The following MACROD2 variants were observed in gnomAD, a reference collection of about 807,000 sequenced individuals.
MACROD2 encodes mono-ADP ribosylhydrolase 2, also known as ADP-ribose glycohydrolase MACROD2.
Under a neutral mutation model 70.4 loss-of-function variants are expected in MACROD2, and 36 were observed. The observed-to-expected ratio is 0.51, with a 90% CI of 0.39 to 0.68. MACROD2 has a LOEUF of 0.68. Among genes scored for constraint, MACROD2 ranks in the 30% least tolerant of loss-of-function variants. The probability of loss-of-function intolerance (pLI) is 0.00; values close to 1 mark genes in which losing one functional copy is unlikely to be tolerated. For synonymous variants in MACROD2, 172 were observed against 178.8 expected, an observed-to-expected ratio of 0.96 and a Z score of 0.30; for missense variants, 496 against 538.4, an observed-to-expected ratio of 0.92 and a Z score of 0.78.
At chr20:14,433,986 C>T (rs149498296) in intron 3 of MACROD2, among the ~76,000 whole-genome samples, 225 of 152,188 alleles carry the variant, frequency 1.5e-3, no homozygotes, top group African/African-American at 4.7e-3. Flanking sequence ...TCATTGAAGA[C>T]ACATGCATCT....
intron 5 of MACROD2, among the ~76,000 whole-genome samples, chr20:14,840,142 A>G (rs1280722546): frequency 6.6e-6 from 1 of 151,620 alleles, no homozygotes; most frequent in Non-Finnish European, 1.5e-5. Context: ...GGTTCAAGCA[A>G]TTCTCCTGCC....
At chr20:14,363,013 C>T (rs1011608103) in intron 3 of MACROD2, among the ~76,000 whole-genome samples, 7 of 152,130 alleles carry the variant, frequency 4.6e-5, no homozygotes, top group African/African-American at 7.2e-5. Context: ...CAGTGGGAGC[C>T]GTCTGACACC....
chr20:15,010,083 A>C (rs1325794196), intron 5 of MACROD2, among the ~76,000 whole-genome samples: 1 of 152,216 alleles, frequency 6.6e-6, no homozygotes, highest in Non-Finnish European at 1.5e-5. Flanking sequence ...CTTGAATTTG[A>C]GCAGTGTTGA....
intron 5 of MACROD2, among the ~76,000 whole-genome samples, chr20:14,788,915 C>G (rs1478644951): frequency 6.6e-6 from 1 of 151,562 alleles, no homozygotes; most frequent in East Asian, 1.9e-4. Context: ...ATTACAGGCA[C>G]TCACCACGAT....
chr20:15,616,455 A>C (rs548127705), intron 8 of MACROD2, among the ~76,000 whole-genome samples: 1 of 152,238 alleles, frequency 6.6e-6, no homozygotes, highest in East Asian at 1.9e-4. Flanking sequence ...AGAAGTTCAA[A>C]GAAGAGTTCC....
rs371529013 is a variant in MACROD2 at position 15,209,231 on chromosome 20, A to G, written c.419-20709A>G. ...AATCTGTTAGGCAAAAAGAAAACCC[A>G]GAAAACTCATCACCGTGTTGGTCCT... On this transcript the variant is annotated intron_variant, in intron 5 of 17. Coordinates refer to ENST00000684519, the MANE Select transcript of MACROD2 (RefSeq NM_001351661.2). 9.3e-4 allele frequency among the ~76,000 whole-genome samples: 141 copies of G among 152,122 alleles called. 1 individual carries two copies. The highest frequency in any genetic ancestry group is 3.4e-3 in the Middle Eastern group (1 of 294).
chr20:15,375,917 G>A (rs753216950), intron 6 of MACROD2, among the ~76,000 whole-genome samples: 29 of 151,978 alleles, frequency 1.9e-4, no homozygotes, highest in Non-Finnish European at 1.0e-4. Context: ...TTTTCCCAAC[G>A]CCTGTTTACT....
intron 8 of MACROD2, among the ~76,000 whole-genome samples, chr20:15,632,014 C>G (rs1212581324): frequency 6.6e-6 from 1 of 151,994 alleles, no homozygotes; most frequent in Non-Finnish European, 1.5e-5. Context: ...TGACGGGTGC[C>G]TGTAATCCTA....
intron 6 of MACROD2, among the ~76,000 whole-genome samples, chr20:15,398,540 T>C (rs1030598389): frequency 6.6e-6 from 1 of 152,172 alleles, no homozygotes; most frequent in East Asian, 1.9e-4. Flanking sequence ...GATAAATGCT[T>C]ACGAGAATAT....
chr20:15,992,443 G>A (rs1432506341), intron 15 of MACROD2, among the ~76,000 whole-genome samples: 1 of 152,048 alleles, frequency 6.6e-6, no homozygotes, highest in African/African-American at 2.4e-5. Flanking sequence ...TTCGTAAGCT[G>A]TCTCTAGTTC....
chr20:15,197,732 T>C (rs1034951873), intron 5 of MACROD2, among the ~76,000 whole-genome samples: 2 of 152,222 alleles, frequency 1.3e-5, no homozygotes, highest in African/African-American at 2.4e-5. Context: ...GGTCTTTCTC[T>C]ATTGCCCAGG....
At chr20:15,780,421 G>A (rs2051811486) in intron 8 of MACROD2, among the ~76,000 whole-genome samples, 1 of 152,056 alleles carries the variant, frequency 6.6e-6, no homozygotes. Flanking sequence ...AGACTAGGCT[G>A]TGCAGAAATT....
chr20:15,284,809 A>T (rs1335459770), intron 6 of MACROD2, among the ~76,000 whole-genome samples: 1 of 152,196 alleles, frequency 6.6e-6, no homozygotes, highest in Non-Finnish European at 1.5e-5. Context: ...AAGCCCCATG[A>T]CTGCCATTTT....
intron 6 of MACROD2, among the ~76,000 whole-genome samples, chr20:15,245,375 A>T (rs1045369108): frequency 1.4e-4 from 21 of 152,188 alleles, no homozygotes; most frequent in African/African-American, 4.8e-4. Flanking sequence ...ATGGCACTCA[A>T]AATGTATTTA....
intron 5 of MACROD2, among the ~76,000 whole-genome samples, chr20:14,963,201 T>G (rs1215452956): frequency 1.3e-5 from 2 of 152,142 alleles, no homozygotes; most frequent in African/African-American, 4.8e-5. Flanking sequence ...AGTACCGTAG[T>G]AGTACAGCAG....
chr20:15,578,344 C>T (rs918783112), intron 8 of MACROD2, among the ~76,000 whole-genome samples: 2 of 152,026 alleles, frequency 1.3e-5, no homozygotes, highest in African/African-American at 2.4e-5. Context: ...CATTTTTTGC[C>T]GGGTGACTTA....
intron 8 of MACROD2, among the ~76,000 whole-genome samples, chr20:15,542,931 G>A (rs1300657862): frequency 6.6e-6 from 1 of 152,128 alleles, no homozygotes; most frequent in South Asian, 2.1e-4. Context: ...GCTCTTCCGA[G>A]TCTACCCCAC....
At chr20:15,363,753 A>G (rs1280923134) in intron 6 of MACROD2, among the ~76,000 whole-genome samples, 1 of 152,234 alleles carries the variant, frequency 6.6e-6, no homozygotes, top group Non-Finnish European at 1.5e-5. Flanking sequence ...TTAGTGTAAT[A>G]TAAATAAATA....
intron 8 of MACROD2, among the ~76,000 whole-genome samples, chr20:15,737,598 G>A (rs1276292297): frequency 6.6e-6 from 1 of 152,172 alleles, no homozygotes; most frequent in Non-Finnish European, 1.5e-5. Context: ...TCTCTCAAGA[G>A]AGCCTGTCTA....
Sources: gnomAD v4.1 joint callset for allele counts (sites outside exome capture counted in the v4.1 genomes callset) on GRCh38, gnomAD v4.1.1 for gene constraint, MANE v1.5 for transcripts, NCBI Gene and HGNC (gene_info 2026-07-23, HGNC 2026-07-21) for gene names.